Variants in RAP1GDS1 observed in about 807,000 individuals in gnomAD.
The protein encoded by RAP1GDS1 is Rap1 GTPase-GDP dissociation stimulator 1.
RAP1GDS1 carries 35 observed loss-of-function variants against 71.1 expected under a neutral mutation model. The observed-to-expected ratio is 0.49, with a 90% CI of 0.38 to 0.65. RAP1GDS1 has a LOEUF of 0.65. RAP1GDS1 is among the 30% of genes least tolerant of loss of function. The pLI, the probability that RAP1GDS1 is intolerant of heterozygous loss-of-function variation, is 0.00. For missense variants in RAP1GDS1, 663 were observed against 706.1 expected (o/e 0.94, Z 0.69); for synonymous variants, 229 against 243.1 (o/e 0.94, Z 0.54).
Position 98,417,350 on chromosome 4 carries a change from G to A in RAP1GDS1, c.908-17G>A, listed in dbSNP as rs576624770. 6.3e-6 allele frequency: 10 copies of A among 1,596,420 alleles called. No individual in the cohort carries two copies. Among genetic ancestry groups the A allele is most frequent in the South Asian group, 2.3e-5 (2 of 88,434 alleles). ...TTATTTTTCTCTTGCTTAACTATTC[G>A]TTTCATTTACCTCCAGATGAATCCA... On this transcript the variant is annotated splice_polypyrimidine_tract_variant and intron_variant, in intron 8 of 14. Transcript: ENST00000408927.
intron 1 of RAP1GDS1, among the ~76,000 whole-genome samples, chr4:98,292,279 C>T (rs1727070677): frequency 6.6e-6 from 1 of 151,944 alleles, no homozygotes; most frequent in Admixed American, 6.6e-5. Context: ...AGGCACATGC[C>T]ACCATATGCA....
intron 14 of RAP1GDS1, among the ~76,000 whole-genome samples, chr4:98,437,723 G>A (rs1049820751): frequency 1.3e-5 from 2 of 151,670 alleles, no homozygotes; most frequent in Non-Finnish European, 2.9e-5. Context: ...AACCTGGAAG[G>A]CAGAGGTTGT....
intron 2 of RAP1GDS1, among the ~76,000 whole-genome samples, chr4:98,306,586 A>G (rs975875290): frequency 2.0e-5 from 3 of 152,360 alleles, no homozygotes; most frequent in Non-Finnish European, 4.4e-5. Context: ...GTAAATTGGC[A>G]TTTTAATTGA....
intron 3 of RAP1GDS1, 188 bp downstream of exon 3, chr4:98,343,449 A>G (rs1440652160): frequency 3.1e-6 from 2 of 639,088 alleles, no homozygotes; most frequent in Non-Finnish European, 2.6e-6. Flanking sequence ...TACCTGTCCC[A>G]TCTGATAACC....
chr4:98,341,885 C>T (rs1735555139), intron 2 of RAP1GDS1, among the ~76,000 whole-genome samples: 2 of 152,266 alleles, frequency 1.3e-5, no homozygotes, highest in South Asian at 2.1e-4. Context: ...ATTGGAAATA[C>T]ATTTTACATA....
At chr4:98,323,814 T>G (rs1464911087) in intron 2 of RAP1GDS1, among the ~76,000 whole-genome samples, 1 of 150,952 alleles carries the variant, frequency 6.6e-6, no homozygotes, top group Non-Finnish European at 1.5e-5. Context: ...ACAGCCAATA[T>G]CATACTGAAT....
At chr4:98,441,450 C>A in intron 14 of RAP1GDS1, 1 of 985,198 alleles carries the variant, frequency 1.0e-6, no homozygotes, top group African/African-American at 1.7e-5. Context: ...TGAAACATAT[C>A]CTAAGCTTTT....
intron 2 of RAP1GDS1, among the ~76,000 whole-genome samples, chr4:98,295,903 A>G (rs187035185): frequency 1.0e-3 from 159 of 152,180 alleles, no homozygotes; most frequent in Middle Eastern, 3.4e-3. Flanking sequence ...AAAGTAAAAT[A>G]TATTAGTGAG....
Position 98,418,805 on chromosome 4 carries a change from A to G in RAP1GDS1, c.1174+14A>G, listed in dbSNP as rs368005234. 52 of 1,580,628 alleles carry G rather than the reference A, an allele frequency of 3.3e-5. No homozygotes were observed. In the Middle Eastern group the frequency reaches 5.1e-4, roughly 15 times the overall value. On this transcript the variant is annotated intron_variant, in intron 10 of 14. Transcript: ENST00000408927. ...TGGCCATTCCAGGTAAGACTTAAGA[A>G]TAGAAGGCAGCTGTGTACAAAATAA...
Position 98,352,473 on chromosome 4 carries a change from C to T in RAP1GDS1, c.236-3C>T. On this transcript the variant is annotated splice_region_variant and splice_polypyrimidine_tract_variant and intron_variant, in intron 3 of 14. Coordinates refer to ENST00000408927, the MANE Select transcript of RAP1GDS1 (RefSeq NM_001100427.2). ...TTTAATTAAACATGTCTCTTATTTT[C>T]AGAGTTTATGCGAATTCCATGTGTG... 1 of 1,612,010 alleles carries T rather than the reference C, an allele frequency of 6.2e-7. No individual in the cohort carries two copies. Among genetic ancestry groups the T allele is most frequent in the Non-Finnish European group, 8.5e-7 (1 of 1,178,826 alleles).
intron 9 of RAP1GDS1, 136 bp from the exon 10 acceptor site, chr4:98,418,521 A>T (rs970838441): frequency 5.3e-5 from 45 of 841,782 alleles, no homozygotes; most frequent in Non-Finnish European, 5.7e-5. Flanking sequence ...TATAAATCTG[A>T]TGGGAGAAAG....
intron 1 of RAP1GDS1, among the ~76,000 whole-genome samples, chr4:98,279,881 A>G (rs1301147553): frequency 6.6e-6 from 1 of 152,146 alleles, no homozygotes; most frequent in Non-Finnish European, 1.5e-5. Flanking sequence ...TCCTTGTGAT[A>G]GTTTGCTCAG....
rs184041153 is a variant in RAP1GDS1, at chr4:98,292,960, A to G, written c.5-448A>G. ...AAGTTTTGTAGTTATCACACTTTGT[A>G]TTATTTGGAATCATATTATTTTGAA... On this transcript the variant is annotated intron_variant, in intron 1 of 14. Coordinates refer to ENST00000408927, the MANE Select transcript of RAP1GDS1 (RefSeq NM_001100427.2). 7.9e-4 allele frequency among the ~76,000 whole-genome samples: 120 copies of G among 152,258 alleles called. 1 individual carries two copies. The highest frequency in any genetic ancestry group is 2.7e-3 in the African/African-American group (112 of 41,550).
At chr4:98,268,008 GT>G (rs1211442438) in intron 1 of RAP1GDS1, among the ~76,000 whole-genome samples, 1 of 152,036 alleles carries the variant, frequency 6.6e-6, no homozygotes, top group Non-Finnish European at 1.5e-5. Context: ...TACAGCATCT[GT>G]TTTTTGTTTG....
intron 5 of RAP1GDS1, among the ~76,000 whole-genome samples, chr4:98,383,886 C>T (rs1351688893): frequency 6.6e-6 from 1 of 151,476 alleles, no homozygotes; most frequent in African/African-American, 2.4e-5. Context: ...TGAAAAAGAG[C>T]ATTTCCTAGA....
At chr4:98,366,864 G>A (rs543367944) in intron 4 of RAP1GDS1, among the ~76,000 whole-genome samples, 54 of 152,284 alleles carry the variant, frequency 3.5e-4, no homozygotes, top group Admixed American at 3.0e-3. Flanking sequence ...GCTGTTAAAA[G>A]CATTCAGTTT....
intron 5 of RAP1GDS1, among the ~76,000 whole-genome samples, chr4:98,389,044 C>T (rs1306477417): frequency 7.0e-6 from 1 of 142,726 alleles, no homozygotes; most frequent in Admixed American, 6.8e-5. Flanking sequence ...ACAATGGCTA[C>T]TAATACAATT....
chr4:98,307,136 T>G (rs1729445406), intron 2 of RAP1GDS1, among the ~76,000 whole-genome samples: 1 of 151,996 alleles, frequency 6.6e-6, no homozygotes, highest in African/African-American at 2.4e-5. Flanking sequence ...GTATTTTTTT[T>G]TTAGATAATC....
intron 14 of RAP1GDS1, among the ~76,000 whole-genome samples, chr4:98,440,675 T>C (rs758935227): frequency 2.0e-5 from 3 of 152,174 alleles, no homozygotes; most frequent in Non-Finnish European, 4.4e-5. Flanking sequence ...CTTTGCCCAT[T>C]TTTAGAATTG....
Sources: gnomAD v4.1 joint callset for allele counts (sites outside exome capture counted in the v4.1 genomes callset) on GRCh38, gnomAD v4.1.1 for gene constraint, MANE v1.5 for transcripts, NCBI Gene and HGNC (gene_info 2026-07-23, HGNC 2026-07-21) for gene names.